The following ALX3 variants were observed in gnomAD, a reference collection of about 807,000 sequenced individuals.
The protein encoded by ALX3 is ALX homeobox 3.
In ALX3, 17 loss-of-function variants were observed where a neutral mutation model predicts 26.3. The ratio of observed to expected loss-of-function variants is 0.65; its 90% confidence interval spans 0.44 to 0.97. ALX3 has a LOEUF of 0.97. Among genes scored for constraint, ALX3 ranks in the 50% least tolerant of loss-of-function variants. ALX3 has a pLI of 0.00. For synonymous variants in ALX3, 208 were observed against 201.4 expected (o/e 1.03, Z -0.28); for missense variants, 461 against 466.5 (o/e 0.99, Z 0.11).
chr1:110,066,510 TCA>T (rs1490471167), intron 1 of ALX3, among the ~76,000 whole-genome samples: 2 of 146,596 alleles, frequency 1.4e-5, no homozygotes, highest in East Asian at 4.2e-4. Context: ...GAAGGAAGAC[TCA>T]CAGAAGTTGA....
rs552353217 is a variant in ALX3, at chr1:110,061,292, G to T, written c.723+143C>A. 2.7e-5 allele frequency: 36 copies of T among 1,323,950 alleles called. No individual in the cohort carries two copies. The African/African-American group carries it at 4.9e-4, about 18-fold the overall frequency. The allele number at this position is 1,323,950 out of a possible 1,614,324, so 82.0% of individuals were successfully genotyped here. ...TGCGTCATTCATGAGACAGGCAAGA[G>T]CCCCGGTTTGCAGAGAAAGAAGTGA... On this transcript the variant is annotated intron_variant, in intron 3 of 3. Coordinates refer to ENST00000647563, the MANE Select transcript of ALX3 (RefSeq NM_006492.3).
At chr1:110,065,984 G>A (rs747239363) in intron 1 of ALX3, among the ~76,000 whole-genome samples, 7 of 152,356 alleles carry the variant, frequency 4.6e-5, no homozygotes, top group Admixed American at 2.0e-4. Context: ...CCACAAAGAC[G>A]CCCCACTGAC....
At chr1:110,070,059 T>G (rs1433838894) in intron 1 of ALX3, among the ~76,000 whole-genome samples, 1 of 151,390 alleles carries the variant, frequency 6.6e-6, no homozygotes, top group African/African-American at 2.4e-5. Context: ...GGGCCCCGAC[T>G]GGACTCCGGG....
At chr1:110,061,673 C>G in intron 2 of ALX3, 110 bp from the exon 3 acceptor site, 2 of 1,490,294 alleles carry the variant, frequency 1.3e-6, no homozygotes, top group Non-Finnish European at 1.8e-6. Context: ...GAGCAGGCTC[C>G]AGGATGGAGG....
rs1043530442 is a variant in ALX3, at chr1:110,060,952, C to T, written c.813G>A (p.Met271Ile). 2 of 1,613,010 alleles carry T rather than the reference C, an allele frequency of 1.2e-6. No individual in the cohort carries two copies. The highest frequency in any genetic ancestry group is 1.3e-5 in the African/African-American group (1 of 74,914). ...VSPEGIPSPC[M>I]SPYSHPHGSV... is the part of the protein sequence containing the mutation. The stretch of plus-strand genomic sequence containing the variant: ...TCCCATGGGGGTGGGAATATGGAGA[C>T]ATGCATGGGGAGGGGATGCCCTCTG... Residue 271 changes from methionine to isoleucine, a missense_variant, in exon 4 of 4, where the codon ATG (methionine) becomes ATA (isoleucine). Physicochemically the swap from Met to Ile is conservative, Grantham distance 10 (BLOSUM62 1). Around this residue, in one of 3 missense-constraint regions of ALX3, gnomAD observed 169 missense variants for 178.0 expected, o/e 0.95. Transcript: ENST00000647563.
chr1:110,065,278 G>T (rs1015818813), intron 1 of ALX3, among the ~76,000 whole-genome samples: 2 of 152,208 alleles, frequency 1.3e-5, no homozygotes, highest in African/African-American at 4.8e-5. Context: ...GGTGAGGATG[G>T]GGTGGTTGAC....
Position 110,060,011 on chromosome 1 carries a change from T to C in ALX3, c.*722A>G, listed in dbSNP as rs1356535445. ...CAGGATCTCAGTCTGTAGAAATCTG[T>C]TTTATTCTTACCAACATCCAATATC... On this transcript the variant is annotated 3_prime_UTR_variant, in exon 4 of 4. Transcript: ENST00000647563. The C allele has an allele frequency of 6.6e-6, 1 of 152,038 alleles. No homozygotes were observed. The allele number at this position is 152,038 out of a possible 1,614,324, so 9.4% of individuals were successfully genotyped here.
rs1653893070 is a variant in ALX3, at chr1:110,070,504, G to T, written c.109C>A (p.His37Asn). ...CCGCGGGGCGGCGCGGGGTGCAGGT[G>T]AGGCGCAGCGGCGGGGGTTCCCTGC... is the stretch of plus-strand genomic sequence containing the variant. ...GPQGTPAAAP[H>N]LHPAPPRGPR... Residue 37 changes from histidine to asparagine, a missense_variant, in exon 1 of 4, where the codon CAC (histidine) becomes AAC (asparagine). This residue lies in a region of ALX3 where 241 missense variants were observed against 206.1 expected (regional missense o/e 1.17). Coordinates refer to ENST00000647563, the MANE Select transcript of ALX3 (RefSeq NM_006492.3). The T allele has an allele frequency of 7.8e-7, 1 of 1,280,554 alleles. No individual in the cohort carries two copies. The highest frequency in any genetic ancestry group is 9.9e-7 in the Non-Finnish European group (1 of 1,014,378). The allele number at this position is 1,280,554 out of a possible 1,614,324, so 79.3% of individuals were successfully genotyped here. A position where few individuals can be genotyped will look rare whatever the true frequency, so the allele number is the denominator to read the frequency against.
chr1:110,061,058 A>G lies in ALX3; in HGVS notation c.724-17T>C, dbSNP rs773414240. 54 of 1,596,596 alleles carry G rather than the reference A, an allele frequency of 3.4e-5. No individual in the cohort carries two copies. Among genetic ancestry groups the G allele is most frequent in the Non-Finnish European group, 4.3e-5 (50 of 1,172,680 alleles). On this transcript the variant is annotated splice_polypyrimidine_tract_variant and intron_variant, in intron 3 of 3. Transcript: ENST00000647563. ...GTTCTGCAGCTGAAAAGAGAGGGAA[A>G]GAAGGCCCATGAGCCTGTAGCCTCA...
intron 2 of ALX3, among the ~76,000 whole-genome samples, chr1:110,063,951 TG>T (rs1653718124): frequency 6.6e-6 from 1 of 151,964 alleles, no homozygotes; most frequent in East Asian, 2.0e-4. Flanking sequence ...ACGGCCCCTC[TG>T]GGAAGCCCTG....
chr1:110,066,005 T>C (rs1355411673), intron 1 of ALX3, among the ~76,000 whole-genome samples: 2 of 152,236 alleles, frequency 1.3e-5, no homozygotes, highest in Non-Finnish European at 2.9e-5. Flanking sequence ...TCACACAGCC[T>C]CTTGCCTGGC....
At position 110,060,457 on chromosome 1, in the gene ALX3, C is replaced by A; in HGVS notation, c.*276G>T. ...GGACTTGGACAAAGTCTGGAGGAAG[C>A]AGGGCAGTGTCTCCCTGCCTCCAGC... On this transcript the variant is annotated 3_prime_UTR_variant, in exon 4 of 4. Coordinates refer to ENST00000647563, the MANE Select transcript of ALX3 (RefSeq NM_006492.3). 1 of 286,898 alleles carries A rather than the reference C, an allele frequency of 3.5e-6. No individual in the cohort carries two copies. Among genetic ancestry groups the A allele is most frequent in the Non-Finnish European group, 6.5e-6 (1 of 154,206 alleles). 17.8% of individuals were successfully genotyped at this position (286,898 alleles called of 1,614,324 possible).
intron 1 of ALX3, among the ~76,000 whole-genome samples, chr1:110,065,443 C>A (rs115212532): frequency 1.3e-5 from 2 of 152,204 alleles, no homozygotes; most frequent in Non-Finnish European, 2.9e-5. Flanking sequence ...GCTTTATTCT[C>A]TGAACCCCAG....
At chr1:110,062,052 G>C (rs1238947436) in intron 2 of ALX3, 1 of 159,902 alleles carries the variant, frequency 6.3e-6, no homozygotes, top group Admixed American at 6.0e-5. Flanking sequence ...CCAGAGCATA[G>C]CTTCTTAACA....
At chr1:110,063,671 C>T (rs1653709716) in intron 2 of ALX3, among the ~76,000 whole-genome samples, 1 of 151,792 alleles carries the variant, frequency 6.6e-6, no homozygotes, top group Admixed American at 6.6e-5. Flanking sequence ...ACCTCCTCAC[C>T]TTTCCCCAGA....
Position 110,060,761 on chromosome 1 carries a change from G to T in ALX3, c.1004C>A (p.Pro335Gln). ...LVSLRVKPKEPPGLLNWTT is the reference protein window; with the variant it reads ...LVSLRVKPKEQPGLLNWTT ...CGTGGTCCAGTTCAGAAGGCCGGGT[G>T]GCTCCTTGGGCTTTACCCTGAGCGA... The change falls in exon 4 of 4, where the codon CCA becomes CAA. Residue 335 changes from proline (P) to glutamine (Q), a missense_variant. Physicochemically the swap from Pro to Gln is moderately conservative, Grantham distance 76. Coordinates refer to ENST00000647563, the MANE Select transcript of ALX3 (RefSeq NM_006492.3). 1 of 1,493,608 alleles carries T rather than the reference G, an allele frequency of 6.7e-7. No individual in the cohort carries two copies. The highest frequency in any genetic ancestry group is 8.9e-7 in the Non-Finnish European group (1 of 1,120,652). 92.5% of individuals were successfully genotyped at this position (1,493,608 alleles called of 1,614,324 possible). A position where few individuals can be genotyped will look rare whatever the true frequency, so the allele number is the denominator to read the frequency against.
intron 1 of ALX3, among the ~76,000 whole-genome samples, chr1:110,069,175 G>T (rs970045671): frequency 6.6e-6 from 1 of 152,218 alleles, no homozygotes; most frequent in Non-Finnish European, 1.5e-5. Context: ...TCTTTCAAAG[G>T]GCACAGACAC....
At position 110,070,493 on chromosome 1, in the gene ALX3, G is replaced by A; in HGVS notation, c.120C>T (p.Pro40=). Residue 40 remains proline (P), a synonymous_variant, in exon 1 of 4, where the codon CCC becomes CCT. Transcript: ENST00000647563. The part of the protein sequence containing the change: ...GTPAAAPHLH[P]APPRGPRLTR... The stretch of plus-strand genomic sequence containing the variant: ...TCAGCCGCGGGCCGCGGGGCGGCGC[G>A]GGGTGCAGGTGAGGCGCAGCGGCGG... The A allele has an allele frequency of 1.3e-5, 16 of 1,264,154 alleles. No homozygotes were observed. The highest frequency in any genetic ancestry group is 1.6e-5 in the Non-Finnish European group (16 of 1,005,266). 78.3% of individuals were successfully genotyped at this position (1,264,154 alleles called of 1,614,324 possible). A position where few individuals can be genotyped will look rare whatever the true frequency, so the allele number is the denominator to read the frequency against.
chr1:110,070,253 T>G (rs977638898), intron 1 of ALX3, 83 bp downstream of exon 1: 66 of 1,257,154 alleles, frequency 5.2e-5, no homozygotes, highest in Non-Finnish European at 6.4e-5. Flanking sequence ...GCGGGAGAGA[T>G]AAGCAGGAAG....
Sources: gnomAD v4.1 joint callset for allele counts (sites outside exome capture counted in the v4.1 genomes callset) on GRCh38, gnomAD v4.1.1 for gene constraint, gnomAD v4.1.1 regional missense constraint, MANE v1.5 for transcripts, NCBI Gene and HGNC (gene_info 2026-07-23, HGNC 2026-07-21) for gene names.